SVOPL: variants seen among roughly 807,000 people sequenced by gnomAD.
The protein encoded by SVOPL is putative transporter SVOPL.
In SVOPL, 60 loss-of-function variants were observed where a neutral mutation model predicts 61.0. The observed-to-expected ratio is 0.98, with a 90% CI of 0.80 to 1.22. The LOEUF (loss-of-function observed/expected upper bound fraction) is 1.22, where lower values mean the gene tolerates loss of function less well. Ranked by LOEUF, SVOPL falls within the 50% of genes most tolerant of loss-of-function variation. The probability of loss-of-function intolerance (pLI) is 0.00; values close to 1 mark genes in which losing one functional copy is unlikely to be tolerated. For missense variants in SVOPL, 662 were observed against 643.9 expected, an observed-to-expected ratio of 1.03 and a Z score of -0.30; for synonymous variants, 279 against 250.0, an observed-to-expected ratio of 1.12 and a Z score of -1.09.
intron 14 of SVOPL, among the ~76,000 whole-genome samples, chr7:138,611,874 C>T (rs1470350484): frequency 2.7e-3 from 190 of 69,192 alleles, no homozygotes; most frequent in Non-Finnish European, 2.9e-3. Flanking sequence ...TCTGCCCGGC[C>T]GCCACCCCGT....
chr7:138,630,057 C>G lies in SVOPL; in HGVS notation c.855G>C (p.Trp285Cys), dbSNP rs1800102376. ...AATCATTACACTCTTACCATATGACCCAGATCTGTAATGTGGTCCGTAAAT... is the reference window on the plus strand; with the variant it reads ...AATCATTACACTCTTACCATATGACGCAGATCTGTAATGTGGTCCGTAAAT... ...AKYLRTTLQI[W>C]VIWLGISFAY... Residue 285 changes from tryptophan (W) to cysteine (C), a missense_variant, in exon 10 of 16, where the codon TGG (tryptophan) becomes TGC (cysteine). Trp to Cys is a radical substitution (Grantham distance 215). Transcript: ENST00000674285. 6.2e-7 allele frequency: 1 copy of G among 1,613,188 alleles called. No individual in the cohort carries two copies. The highest frequency in any genetic ancestry group is 8.5e-7 in the Non-Finnish European group (1 of 1,179,386).
At chr7:138,682,972 A>AAAAAAAAAAAAG (rs2117128114) in intron 1 of SVOPL, among the ~76,000 whole-genome samples, 1 of 151,196 alleles carries the variant, frequency 6.6e-6, no homozygotes, top group African/African-American at 2.4e-5. Flanking sequence ...CCATCTCAAA[A>AAAAAAAAAAAAG]AAAAAAAAAA....
intron 6 of SVOPL, among the ~76,000 whole-genome samples, chr7:138,658,259 C>T (rs1241427193): frequency 1.3e-5 from 2 of 152,120 alleles, no homozygotes; most frequent in African/African-American, 4.8e-5. Context: ...GATGGAGTCA[C>T]TCTAGTTCGA....
chr7:138,670,621 A>G (rs61316977), intron 4 of SVOPL, among the ~76,000 whole-genome samples: 7,423 of 152,208 alleles, frequency 0.049, 386 homozygotes, highest in East Asian at 0.23. Context: ...CAACCAAACT[A>G]TCTTTAAAAA....
chr7:138,637,487 G>GATATAGAT (rs1411696983), intron 9 of SVOPL, among the ~76,000 whole-genome samples: 1 of 18,960 alleles, frequency 5.3e-5, no homozygotes, highest in African/African-American at 1.7e-4. Flanking sequence ...TATAGATATA[G>GATATAGAT]ATAGATATAT....
At chr7:138,652,800 A>G (rs1440518400) in intron 7 of SVOPL, among the ~76,000 whole-genome samples, 2 of 151,802 alleles carry the variant, frequency 1.3e-5, no homozygotes, top group African/African-American at 4.8e-5. Flanking sequence ...AATTTTTTGT[A>G]TTTTTAGTAG....
chr7:138,607,614 T>C (rs552246960), intron 14 of SVOPL, among the ~76,000 whole-genome samples: 1 of 152,242 alleles, frequency 6.6e-6, no homozygotes, highest in South Asian at 2.1e-4. Flanking sequence ...AGAATGATTT[T>C]GGTGGAGTAG....
intron 9 of SVOPL, among the ~76,000 whole-genome samples, chr7:138,641,204 A>G (rs1383379139): frequency 2.7e-5 from 4 of 146,210 alleles, no homozygotes; most frequent in Non-Finnish European, 5.9e-5. Context: ...ATCACAAAAA[A>G]TAACTCAATA....
intron 14 of SVOPL, among the ~76,000 whole-genome samples, chr7:138,618,018 T>C (rs1409097942): frequency 6.6e-6 from 1 of 152,124 alleles, no homozygotes; most frequent in Non-Finnish European, 1.5e-5. Flanking sequence ...CCCTACTGTC[T>C]ACTTGGAGCA....
chr7:138,604,430 T>C (rs1054465377), intron 14 of SVOPL, among the ~76,000 whole-genome samples: 3 of 152,058 alleles, frequency 2.0e-5, no homozygotes, highest in African/African-American at 4.8e-5. Context: ...TCCCAGCACA[T>C]TGGGAGGCCA....
chr7:138,609,719 T>TTGG (rs1554452869), intron 14 of SVOPL, among the ~76,000 whole-genome samples: 3 of 54,994 alleles, frequency 5.5e-5, no homozygotes, highest in East Asian at 4.0e-4. Flanking sequence ...GTTTTTTTTT[T>TTGG]GGGGGGGGTG....
chr7:138,639,064 C>A (rs1213546588), intron 9 of SVOPL, among the ~76,000 whole-genome samples: 1 of 151,686 alleles, frequency 6.6e-6, no homozygotes, highest in African/African-American at 2.4e-5. Flanking sequence ...ACCAGCCTGG[C>A]CAAAATGGCA....
intron 3 of SVOPL, among the ~76,000 whole-genome samples, chr7:138,674,515 G>A (rs1280951066): frequency 6.6e-6 from 1 of 151,850 alleles, no homozygotes; most frequent in African/African-American, 2.4e-5. Flanking sequence ...GGGTGGCCTG[G>A]CAGAGAGCCC....
At chr7:138,659,128 T>C (rs928309993) in intron 6 of SVOPL, among the ~76,000 whole-genome samples, 4 of 152,192 alleles carry the variant, frequency 2.6e-5, no homozygotes, top group African/African-American at 9.7e-5. Flanking sequence ...ACCTTGGTTG[T>C]GGAGACCAGA....
intron 10 of SVOPL, among the ~76,000 whole-genome samples, chr7:138,628,737 A>G (rs1400768060): frequency 2.0e-5 from 3 of 152,130 alleles, no homozygotes; most frequent in Non-Finnish European, 4.4e-5. Context: ...AGCCATTCTC[A>G]TGGACTGGCG....
At chr7:138,638,103 A>G (rs961036863) in intron 9 of SVOPL, among the ~76,000 whole-genome samples, 7 of 151,954 alleles carry the variant, frequency 4.6e-5, no homozygotes, top group African/African-American at 1.2e-4. Flanking sequence ...GTGAAACCCC[A>G]TCTCTACTAA....
chr7:138,627,527 G>T, intron 11 of SVOPL, 66 bp from the exon 12 acceptor site: 1 of 1,174,384 alleles, frequency 8.5e-7, no homozygotes, highest in Non-Finnish European at 1.3e-6. Context: ...TGCAACACTG[G>T]CATGGATTCA....
At chr7:138,621,868 A>G (rs1340741298) in intron 13 of SVOPL, among the ~76,000 whole-genome samples, 1 of 143,984 alleles carries the variant, frequency 6.9e-6, no homozygotes, top group Non-Finnish European at 1.5e-5. Flanking sequence ...CTATCTATCT[A>G]TCTATCTATC....
At chr7:138,625,916 T>C (rs1799869825) in intron 13 of SVOPL, 53 bp downstream of exon 13, 2 of 1,574,562 alleles carry the variant, frequency 1.3e-6, no homozygotes, top group Admixed American at 1.7e-5. Context: ...ATGGACATCC[T>C]AAGTAGCTCA....
Sources: gnomAD v4.1 joint callset for allele counts (sites outside exome capture counted in the v4.1 genomes callset) on GRCh38, gnomAD v4.1.1 for gene constraint, MANE v1.5 for transcripts, NCBI Gene and HGNC (gene_info 2026-07-23, HGNC 2026-07-21) for gene names.